The following SLC5A4 variants were observed in gnomAD, a reference collection of about 807,000 sequenced individuals.
SLC5A4 encodes the protein probable glucose sensor protein SLC5A4.
SLC5A4 carries 55 observed loss-of-function variants against 70.3 expected under a neutral mutation model. The ratio of observed to expected loss-of-function variants is 0.78; its 90% CI spans 0.63 to 0.98. The LOEUF (loss-of-function observed/expected upper bound fraction) is 0.98. Among genes scored for constraint, SLC5A4 ranks in the 50% least tolerant of loss-of-function variants. The pLI, the probability that SLC5A4 is intolerant of heterozygous loss-of-function variation, is 0.00. For missense variants in SLC5A4, 735 were observed against 839.2 expected (o/e 0.88, Z 1.53); for synonymous variants, 268 against 305.7 (o/e 0.88, Z 1.29).
At chr22:32,282,862 G>A in the SLC5A4 span, among the ~76,000 whole-genome samples, 4 of 152,096 alleles carry the variant, frequency 2.6e-5, no homozygotes, top group Non-Finnish European at 2.9e-5. Context: ...TTGCCCCAGC[G>A]CATCCGGGAT....
intron 3 of SLC5A4, among the ~76,000 whole-genome samples, chr22:32,250,845 C>G (rs1927097154): frequency 6.6e-6 from 1 of 151,954 alleles, no homozygotes; most frequent in South Asian, 2.1e-4. Flanking sequence ...TCTCAGCAAA[C>G]TAACCCAGGA....
At chr22:32,311,203 C>T in the SLC5A4 span, among the ~76,000 whole-genome samples, 2 of 152,222 alleles carry the variant, frequency 1.3e-5, no homozygotes, top group South Asian at 2.1e-4. Flanking sequence ...CCCTTGCCAC[C>T]TTCACTGTAT....
At chr22:32,222,862 A>G (rs930813573) in intron 13 of SLC5A4, among the ~76,000 whole-genome samples, 1 of 152,258 alleles carries the variant, frequency 6.6e-6, no homozygotes, top group South Asian at 2.1e-4. Flanking sequence ...AAACAGTATT[A>G]GTATATAAGC....
At chr22:32,353,022 A>G in the SLC5A4 span, among the ~76,000 whole-genome samples, 1 of 152,232 alleles carries the variant, frequency 6.6e-6, no homozygotes, top group Admixed American at 6.5e-5. Context: ...AGCCTAGAAC[A>G]GGATGCAGAG....
intron 10 of SLC5A4, among the ~76,000 whole-genome samples, chr22:32,230,148 C>T (rs1451267206): frequency 1.3e-5 from 2 of 152,018 alleles, no homozygotes; most frequent in African/African-American, 2.4e-5. Flanking sequence ...CATGTGGTGT[C>T]ATGGTTGTGG....
chr22:32,286,803 G>C, the SLC5A4 span, among the ~76,000 whole-genome samples: 1 of 152,212 alleles, frequency 6.6e-6, no homozygotes, highest in Non-Finnish European at 1.5e-5. Flanking sequence ...TAAGTGGCTA[G>C]TTTGTGAGCA....
the SLC5A4 span, among the ~76,000 whole-genome samples, chr22:32,305,772 G>A: frequency 2.0e-5 from 3 of 151,536 alleles, no homozygotes; most frequent in Middle Eastern, 6.8e-3. Context: ...AGAAACAAGA[G>A]GCACATGGCA....
chr22:32,337,538 G>GA, the SLC5A4 span, among the ~76,000 whole-genome samples: 3 of 146,964 alleles, frequency 2.0e-5, no homozygotes, highest in Non-Finnish European at 4.6e-5. Context: ...TCTCCAAAAA[G>GA]AAAAAAAAGA....
the SLC5A4 span, among the ~76,000 whole-genome samples, chr22:32,351,482 T>C: frequency 6.6e-6 from 1 of 151,212 alleles, no homozygotes; most frequent in Non-Finnish European, 1.5e-5. Context: ...GATGGGAAGA[T>C]CACAAGGTCA....
the SLC5A4 span, among the ~76,000 whole-genome samples, chr22:32,301,031 T>G: frequency 6.6e-6 from 1 of 151,944 alleles, no homozygotes; most frequent in Non-Finnish European, 1.5e-5. Context: ...GGCATGATCT[T>G]GGCTCACTGC....
chr22:32,328,594 T>A, the SLC5A4 span, among the ~76,000 whole-genome samples: 1 of 151,396 alleles, frequency 6.6e-6, no homozygotes, highest in African/African-American at 2.4e-5. Flanking sequence ...GGGAAGTGTA[T>A]CCTCCCCAGC....
At chr22:32,295,372 T>C in the SLC5A4 span, among the ~76,000 whole-genome samples, 39 of 109,600 alleles carry the variant, frequency 3.6e-4, 13 homozygotes, top group Non-Finnish European at 6.6e-4. Context: ...TGGTGTGAGA[T>C]GGTATCTCAT....
At chr22:32,330,560 GCT>G in the SLC5A4 span, among the ~76,000 whole-genome samples, 2 of 130,066 alleles carry the variant, frequency 1.5e-5, no homozygotes, top group South Asian at 5.6e-4. Context: ...TATGTTTTGG[GCT>G]CTGTGTGTGT....
intron 2 of SLC5A4, among the ~76,000 whole-genome samples, chr22:32,252,962 C>T (rs192407404): frequency 1.6e-4 from 25 of 152,294 alleles, no homozygotes; most frequent in Admixed American, 1.5e-3. Context: ...TTTTTCTGCT[C>T]AGCTACATGG....
At position 32,225,745 on chromosome 22, in the gene SLC5A4, G is replaced by C; in HGVS notation, c.1359C>G (p.Ile453Met). The stretch of plus-strand genomic sequence containing the variant: ...AGCTAGAAATTGATTCTGTGTAATG[G>C]ATTAGTTGTCCATTTTGAGAAACTT... ...LVQVSQNGQL[I>M]HYTESISSYL... The change falls in exon 12 of 15, where the codon ATC (isoleucine) becomes ATG (methionine). Residue 453 changes from isoleucine to methionine, a missense_variant. By Grantham distance (10) the Ile-to-Met change is conservative. Coordinates refer to ENST00000266086, the MANE Select transcript of SLC5A4 (RefSeq NM_014227.3). The C allele has an allele frequency of 1.2e-6, 2 of 1,611,716 alleles. No individual in the cohort carries two copies. The highest frequency in any genetic ancestry group is 1.7e-6 in the Non-Finnish European group (2 of 1,177,858).
chr22:32,244,615 T>A (rs1926717136), intron 5 of SLC5A4, among the ~76,000 whole-genome samples: 2 of 152,186 alleles, frequency 1.3e-5, no homozygotes, highest in South Asian at 4.1e-4. Flanking sequence ...TCATTATAAC[T>A]TAGCTCCTGG....
the SLC5A4 span, among the ~76,000 whole-genome samples, chr22:32,275,787 A>G: frequency 2.0e-5 from 3 of 152,348 alleles, no homozygotes; most frequent in East Asian, 3.9e-4. Context: ...CTGAGGAATC[A>G]CCACACTGAC....
the SLC5A4 span, among the ~76,000 whole-genome samples, chr22:32,306,172 T>C: frequency 0.63 from 95,405 of 152,000 alleles, 30,055 homozygotes; most frequent in East Asian, 0.7. Context: ...GTTATAAAAA[T>C]TACTGTATAT....
intron 2 of SLC5A4, among the ~76,000 whole-genome samples, chr22:32,252,549 G>A (rs1018001800): frequency 6.6e-6 from 1 of 152,108 alleles, no homozygotes; most frequent in Non-Finnish European, 1.5e-5. Flanking sequence ...CAACAGCGGG[G>A]TTCTGTGGCT....
Sources: allele counts gnomAD v4.1 joint callset (sites outside exome capture counted in the v4.1 genomes callset), GRCh38; gene constraint gnomAD v4.1.1; transcripts MANE v1.5; gene names NCBI Gene and HGNC (gene_info 2026-07-23, HGNC 2026-07-21).